Variants in NXPE2 observed in about 807,000 individuals in gnomAD.
The protein encoded by NXPE2 is neurexophilin and PC-esterase domain family member 2.
A neutral mutation model predicts 34.4 loss-of-function variants in NXPE2; 34 were observed. That is an observed-to-expected ratio of 0.99 (90% CI 0.75 to 1.31). The LOEUF (loss-of-function observed/expected upper bound fraction) is 1.31, where lower values mean the gene tolerates loss of function less well. Among genes scored for constraint, NXPE2 ranks in the 40% most tolerant of loss-of-function variants. NXPE2 has a pLI of 0.00. For synonymous variants in NXPE2, 235 were observed against 231.3 expected (o/e 1.02, Z -0.15); for missense variants, 649 against 672.5 (o/e 0.97, Z 0.39).
chr11:114,776,390 T>G, the NXPE2 span, among the ~76,000 whole-genome samples: 1 of 152,256 alleles, frequency 6.6e-6, no homozygotes, highest in Non-Finnish European at 1.5e-5. Flanking sequence ...CATCTGCGGC[T>G]GATAACAGAC....
At chr11:114,557,701 T>C in the NXPE2 span, among the ~76,000 whole-genome samples, 1 of 148,072 alleles carries the variant, frequency 6.8e-6, no homozygotes, top group Admixed American at 6.8e-5. Context: ...TATTTGTACA[T>C]TTAGTTTCCT....
At chr11:114,672,915 CAGTA>C in the NXPE2 span, among the ~76,000 whole-genome samples, 24 of 151,358 alleles carry the variant, frequency 1.6e-4, no homozygotes, top group African/African-American at 5.6e-4. Flanking sequence ...GACAGAATAA[CAGTA>C]AGAAAAAACT....
the NXPE2 span, among the ~76,000 whole-genome samples, chr11:114,662,653 G>C: frequency 6.6e-6 from 1 of 152,072 alleles, no homozygotes; most frequent in Non-Finnish European, 1.5e-5. Flanking sequence ...CTTTGCTTGA[G>C]GGGAGGAGAG....
the NXPE2 span, among the ~76,000 whole-genome samples, chr11:114,651,526 A>G: frequency 6.6e-6 from 1 of 152,358 alleles, no homozygotes; most frequent in Middle Eastern, 3.4e-3. Flanking sequence ...AGCATGGAAG[A>G]GAATCCGAAA....
chr11:114,603,868 T>C, the NXPE2 span, among the ~76,000 whole-genome samples: 1 of 151,426 alleles, frequency 6.6e-6, no homozygotes, highest in Non-Finnish European at 1.5e-5. Context: ...CCTAGGTAAC[T>C]AATATTATCT....
the NXPE2 span, among the ~76,000 whole-genome samples, chr11:114,553,055 C>A: frequency 2.6e-5 from 4 of 152,198 alleles, no homozygotes; most frequent in Non-Finnish European, 5.9e-5. Flanking sequence ...TCCCTCACTG[C>A]ACCAACACTG....
intron 3 of NXPE2, among the ~76,000 whole-genome samples, chr11:114,703,658 A>G (rs181600693): frequency 1.9e-4 from 2 of 10,728 alleles, no homozygotes; most frequent in East Asian, 3.5e-3. Context: ...ATAAGCATAG[A>G]TAGATAGATA....
the NXPE2 span, among the ~76,000 whole-genome samples, chr11:114,533,405 G>T: frequency 6.6e-6 from 1 of 152,178 alleles, no homozygotes; most frequent in Non-Finnish European, 1.5e-5. Flanking sequence ...TGAGGTACTT[G>T]GTTCATCTCA....
chr11:114,677,813 CT>C (rs897318178), upstream of NXPE2, among the ~76,000 whole-genome samples: 6 of 152,054 alleles, frequency 3.9e-5, no homozygotes, highest in African/African-American at 1.4e-4. Flanking sequence ...TCTAGACACT[CT>C]CATGCAGAGC....
chr11:114,538,875 G>A, the NXPE2 span, among the ~76,000 whole-genome samples: 54 of 152,082 alleles, frequency 3.6e-4, no homozygotes, highest in Middle Eastern at 6.8e-3. Context: ...AGTCAGTGTG[G>A]TGATTCCTCA....
At chr11:114,645,193 A>G in the NXPE2 span, among the ~76,000 whole-genome samples, 2 of 151,942 alleles carry the variant, frequency 1.3e-5, no homozygotes, top group East Asian at 1.9e-4. Flanking sequence ...TCTCAGCTAC[A>G]CAGAGGCTGA....
At chr11:114,799,311 A>AAAAAAAAG in the NXPE2 span, among the ~76,000 whole-genome samples, 34 of 132,992 alleles carry the variant, frequency 2.6e-4, 1 homozygote, top group Non-Finnish European at 4.0e-4. Context: ...AAAAAAAAAA[A>AAAAAAAAG]AAAATTGGTG....
At chr11:114,732,459 A>G in the NXPE2 span, among the ~76,000 whole-genome samples, 1 of 152,160 alleles carries the variant, frequency 6.6e-6, no homozygotes, top group Non-Finnish European at 1.5e-5. Flanking sequence ...CCTGAGAGCA[A>G]TCTCCAGAAA....
the NXPE2 span, among the ~76,000 whole-genome samples, chr11:114,743,023 T>C: frequency 7.4e-6 from 1 of 134,638 alleles, no homozygotes; most frequent in Non-Finnish European, 1.6e-5. Context: ...TGGCACCTTT[T>C]GAGGCATGCA....
At chr11:114,586,576 T>G in the NXPE2 span, among the ~76,000 whole-genome samples, 6 of 152,234 alleles carry the variant, frequency 3.9e-5, no homozygotes, top group East Asian at 1.2e-3. Flanking sequence ...GTGCTGGGAA[T>G]GTTGGCTTTG....
At chr11:114,494,174 G>T in the NXPE2 span, among the ~76,000 whole-genome samples, 1 of 152,042 alleles carries the variant, frequency 6.6e-6, no homozygotes, top group African/African-American at 2.4e-5. Context: ...ATGCGTTGAG[G>T]TCGTCTTCTT....
the NXPE2 span, among the ~76,000 whole-genome samples, chr11:114,587,085 C>T: frequency 4.6e-5 from 7 of 152,216 alleles, no homozygotes; most frequent in East Asian, 5.8e-4. Flanking sequence ...TGGCCCTTTG[C>T]GGAAACACTC....
the NXPE2 span, among the ~76,000 whole-genome samples, chr11:114,629,694 T>A: frequency 2.0e-5 from 3 of 151,950 alleles, no homozygotes; most frequent in Non-Finnish European, 4.4e-5. Flanking sequence ...GAGAAGGGAA[T>A]AAAGGGTATT....
chr11:114,623,348 T>C, the NXPE2 span, among the ~76,000 whole-genome samples: 2 of 152,010 alleles, frequency 1.3e-5, no homozygotes, highest in African/African-American at 4.8e-5. Context: ...AAAATAAGTA[T>C]CGCCTGTAGG....
Sources: gnomAD v4.1 joint callset for allele counts (sites outside exome capture counted in the v4.1 genomes callset) on GRCh38, gnomAD v4.1.1 for gene constraint, MANE v1.5 for transcripts, NCBI Gene and HGNC (gene_info 2026-07-23, HGNC 2026-07-21) for gene names.